The following RMDN2 variants were observed in gnomAD, a reference collection of about 807,000 sequenced individuals.
The protein encoded by RMDN2 is regulator of microtubule dynamics 2.
A neutral mutation model predicts 52.8 loss-of-function variants in RMDN2; 61 were observed. The observed-to-expected ratio is 1.16, with a 90% CI of 0.94 to 1.43. RMDN2 has a LOEUF of 1.43. RMDN2 is among the 40% of genes most tolerant of loss of function. RMDN2 has a pLI of 0.00. For missense variants in RMDN2, 592 were observed against 475.3 expected (o/e 1.25, Z -2.28); for synonymous variants, 180 against 153.1 (o/e 1.18, Z -1.30).
At chr2:37,932,858 C>A (rs1397444228) in intron 2 of RMDN2, among the ~76,000 whole-genome samples, 1 of 120,458 alleles carries the variant, frequency 8.3e-6, no homozygotes, top group Admixed American at 8.3e-5. Context: ...GCTGGCCGGG[C>A]GGGAGGCTGA....
At chr2:38,060,208 G>T (rs931999376) in intron 10 of RMDN2, among the ~76,000 whole-genome samples, 1 of 151,954 alleles carries the variant, frequency 6.6e-6, no homozygotes, top group Non-Finnish European at 1.5e-5. Context: ...GCCTCCCAAA[G>T]TGCTGGGATT....
At chr2:37,997,232 T>C (rs969748924) in intron 7 of RMDN2, among the ~76,000 whole-genome samples, 184 bp from the exon 8 acceptor site, 15 of 152,190 alleles carry the variant, frequency 9.9e-5, no homozygotes, top group African/African-American at 3.6e-4. Flanking sequence ...AATATTAACA[T>C]GAATACCATG....
At chr2:37,979,599 CTTTA>C (rs927062935) in intron 4 of RMDN2, among the ~76,000 whole-genome samples, 1 of 152,098 alleles carries the variant, frequency 6.6e-6, no homozygotes, top group East Asian at 1.9e-4. Flanking sequence ...TGATATGAAT[CTTTA>C]TTTAAAGAAA....
upstream of RMDN2, among the ~76,000 whole-genome samples, chr2:37,923,540 T>A (rs1336048738): frequency 6.6e-6 from 1 of 152,222 alleles, no homozygotes; most frequent in Non-Finnish European, 1.5e-5. Context: ...CATGTTTCTT[T>A]GGTATCTAAA....
chr2:37,927,457 A>T (rs1174727954), intron 1 of RMDN2, among the ~76,000 whole-genome samples: 3 of 152,212 alleles, frequency 2.0e-5, no homozygotes, highest in Admixed American at 2.0e-4. Context: ...GCAAAATAAG[A>T]CTTTCCCACC....
At chr2:37,978,676 A>G (rs907433418) in intron 4 of RMDN2, among the ~76,000 whole-genome samples, 9 of 152,030 alleles carry the variant, frequency 5.9e-5, no homozygotes, top group Non-Finnish European at 1.5e-5. Context: ...AAATAACACG[A>G]CTGAGGTGGG....
intron 2 of RMDN2, among the ~76,000 whole-genome samples, chr2:37,969,927 C>G (rs1671571597): frequency 6.6e-6 from 1 of 151,214 alleles, no homozygotes; most frequent in South Asian, 2.1e-4. Flanking sequence ...CTTTCCCTTT[C>G]CTGTTTTCTT....
intron 2 of RMDN2, among the ~76,000 whole-genome samples, chr2:37,938,168 G>A (rs1188280758): frequency 6.6e-6 from 1 of 151,998 alleles, no homozygotes; most frequent in Non-Finnish European, 1.5e-5. Flanking sequence ...GTTTTTTGTT[G>A]TTGGTTCTGT....
At chr2:37,927,026 G>C (rs1200416033) in intron 1 of RMDN2, among the ~76,000 whole-genome samples, 1 of 152,104 alleles carries the variant, frequency 6.6e-6, no homozygotes, top group Non-Finnish European at 1.5e-5. Context: ...TATTTTTAAT[G>C]TGTCATTTTT....
intron 10 of RMDN2, among the ~76,000 whole-genome samples, chr2:38,055,874 G>C (rs1448517461): frequency 1.3e-5 from 2 of 152,168 alleles, no homozygotes; most frequent in African/African-American, 4.8e-5. Context: ...GATTTACTGT[G>C]AGTTGAGACA....
At chr2:38,004,575 C>T (rs1392151717) in intron 10 of RMDN2, among the ~76,000 whole-genome samples, 3 of 152,068 alleles carry the variant, frequency 2.0e-5, no homozygotes. Flanking sequence ...ATCTCCAGAA[C>T]CTATTCATCC....
intron 10 of RMDN2, among the ~76,000 whole-genome samples, chr2:38,025,863 A>G (rs1679743183): frequency 6.6e-6 from 1 of 152,032 alleles, no homozygotes; most frequent in African/African-American, 2.4e-5. Flanking sequence ...CTAAAATTTT[A>G]TTTTAAGTTT....
chr2:37,992,303 G>A (rs927618036), intron 7 of RMDN2, among the ~76,000 whole-genome samples: 3 of 152,082 alleles, frequency 2.0e-5, no homozygotes, highest in African/African-American at 7.2e-5. Context: ...CTTACATTTT[G>A]TTAAGGAAAA....
chr2:38,045,232 A>G (rs1331536679), intron 10 of RMDN2, among the ~76,000 whole-genome samples: 1 of 152,170 alleles, frequency 6.6e-6, no homozygotes, highest in Non-Finnish European at 1.5e-5. Flanking sequence ...TTCTCTGTAT[A>G]TGCTTTTCTT....
At chr2:37,922,938 C>A (rs1039920963), upstream of RMDN2, among the ~76,000 whole-genome samples, 6 of 152,072 alleles carry the variant, frequency 3.9e-5, no homozygotes, top group African/African-American at 7.2e-5. Flanking sequence ...GTGGAAGTAG[C>A]GGAGAAAAGC....
At position 37,986,408 on chromosome 2, in the gene RMDN2, A is replaced by G. The variant is rs562070584; in HGVS notation, c.792-3133A>G. 2.2e-3 allele frequency among the ~76,000 whole-genome samples: 338 copies of G among 152,308 alleles called. 2 individuals are homozygous for G. Among genetic ancestry groups the G allele is most frequent in the Non-Finnish European group, 3.8e-3 (261 of 67,990 alleles). ...GAAAATTATACCAATTACATAAGAT[A>G]GAAGTAGAGGGTACACTTCCTAACT... On this transcript the variant is annotated intron_variant, in intron 5 of 10. Coordinates refer to ENST00000354545, the MANE Select transcript of RMDN2 (RefSeq NM_001170791.3).
At chr2:37,946,681 G>A (rs1668248093) in intron 2 of RMDN2, among the ~76,000 whole-genome samples, 1 of 152,164 alleles carries the variant, frequency 6.6e-6, no homozygotes, top group South Asian at 2.1e-4. Flanking sequence ...TGAGATTCAA[G>A]ACTATATACT....
Position 37,961,153 on chromosome 2 carries a change from A to C in RMDN2, c.453-12887A>C, listed in dbSNP as rs771570038. 8.2e-4 allele frequency among the ~76,000 whole-genome samples: 125 copies of C among 151,770 alleles called. 4 individuals carry two copies. Among genetic ancestry groups the C allele is most frequent in the Admixed American group, 3.9e-4 (6 of 15,264 alleles). On this transcript the variant is annotated intron_variant, in intron 2 of 10. Transcript: ENST00000354545. ...GTTTGTTTCAAGCTTGGTGAATCTG[A>C]TGATTATGTGTCTTGGGGTTGCTCT...
At chr2:37,968,064 C>G (rs1464846491) in intron 2 of RMDN2, among the ~76,000 whole-genome samples, 4 of 152,118 alleles carry the variant, frequency 2.6e-5, no homozygotes, top group Non-Finnish European at 1.5e-5. Context: ...CTCTAGATGA[C>G]ATAAAATTTC....
Sources: allele counts gnomAD v4.1 joint callset (sites outside exome capture counted in the v4.1 genomes callset), GRCh38; gene constraint gnomAD v4.1.1; transcripts MANE v1.5; gene names NCBI Gene and HGNC (gene_info 2026-07-23, HGNC 2026-07-21).